Variants in SMOC2 observed in about 807,000 individuals in gnomAD.
SMOC2 encodes the protein SPARC-related modular calcium-binding protein 2.
Under a neutral mutation model 61.4 loss-of-function variants are expected in SMOC2, and 39 were observed. That is an observed-to-expected ratio of 0.64 (90% CI 0.49 to 0.83). SMOC2 has a LOEUF of 0.83. SMOC2 is among the 40% of genes least tolerant of loss of function. SMOC2 has a pLI of 0.00. For synonymous variants in SMOC2, 247 were observed against 239.9 expected (o/e 1.03, Z -0.27); for missense variants, 556 against 592.9 (o/e 0.94, Z 0.65).
intron 4 of SMOC2, among the ~76,000 whole-genome samples, chr6:168,539,034 C>G (rs1333056498): frequency 6.6e-6 from 1 of 152,078 alleles, no homozygotes; most frequent in African/African-American, 2.4e-5. Flanking sequence ...GTCGCTTCCT[C>G]CCTTCGCTTT....
chr6:168,590,257 G>T (rs1785145928), intron 7 of SMOC2, among the ~76,000 whole-genome samples: 1 of 52,616 alleles, frequency 1.9e-5, no homozygotes, highest in African/African-American at 6.7e-5. Context: ...CGGTCTGGTG[G>T]TGGTCAGGTG....
chr6:168,492,963 T>A (rs1288747252), intron 1 of SMOC2, among the ~76,000 whole-genome samples: 1 of 152,198 alleles, frequency 6.6e-6, no homozygotes, highest in Non-Finnish European at 1.5e-5. Context: ...CCATACATTG[T>A]GAAGGTAGCT....
At chr6:168,499,971 G>A (rs1414905423) in intron 1 of SMOC2, among the ~76,000 whole-genome samples, 1 of 152,204 alleles carries the variant, frequency 6.6e-6, no homozygotes, top group Admixed American at 6.5e-5. Context: ...CCTGGCCCGG[G>A]TGCTCAGTGT....
chr6:168,482,165 G>A (rs565003012), intron 1 of SMOC2, among the ~76,000 whole-genome samples: 1 of 151,820 alleles, frequency 6.6e-6, no homozygotes, highest in Non-Finnish European at 1.5e-5. Context: ...AAGAAAAAAA[G>A]AGACGTTTCA....
At chr6:168,533,660 G>A (rs1176493895) in intron 4 of SMOC2, among the ~76,000 whole-genome samples, 1 of 152,198 alleles carries the variant, frequency 6.6e-6, no homozygotes. Flanking sequence ...GAGAGCCTGT[G>A]CCTTGGAGAG....
chr6:168,597,427 G>T (rs1161920096), intron 7 of SMOC2, among the ~76,000 whole-genome samples: 1 of 152,180 alleles, frequency 6.6e-6, no homozygotes, highest in Non-Finnish European at 1.5e-5. Context: ...GAAAAATTAT[G>T]CAATAGCTAA....
At chr6:168,556,454 CTG>C (rs1784254399) in intron 7 of SMOC2, among the ~76,000 whole-genome samples, 1 of 152,116 alleles carries the variant, frequency 6.6e-6, no homozygotes, top group Non-Finnish European at 1.5e-5. Context: ...GCCTCGCAGA[CTG>C]TGCGGGCCCT....
At chr6:168,546,285 C>G (rs1783997638) in intron 5 of SMOC2, among the ~76,000 whole-genome samples, 1 of 142,184 alleles carries the variant, frequency 7.0e-6, no homozygotes, top group African/African-American at 2.6e-5. Flanking sequence ...AAAGGATGAT[C>G]CTGAGAGCAC....
intron 9 of SMOC2, among the ~76,000 whole-genome samples, chr6:168,615,993 G>A (rs1158440955): frequency 1.3e-5 from 2 of 152,204 alleles, no homozygotes; most frequent in Non-Finnish European, 2.9e-5. Context: ...TAGATCAGGA[G>A]CAACACATTC....
intron 1 of SMOC2, among the ~76,000 whole-genome samples, chr6:168,467,812 G>A (rs1583037599): frequency 6.6e-6 from 1 of 152,062 alleles, no homozygotes; most frequent in South Asian, 2.1e-4. Flanking sequence ...AGTTTATTCG[G>A]TTACTTTTCC....
intron 9 of SMOC2, among the ~76,000 whole-genome samples, chr6:168,613,491 G>T (rs1414731649): frequency 1.3e-5 from 2 of 152,150 alleles, no homozygotes; most frequent in Admixed American, 1.3e-4. Context: ...CTAAGAAATG[G>T]TCTTTATTTT....
intron 9 of SMOC2, among the ~76,000 whole-genome samples, chr6:168,625,672 C>T (rs926282157): frequency 5.9e-5 from 9 of 152,184 alleles, no homozygotes; most frequent in African/African-American, 1.2e-4. Flanking sequence ...TCTTCGAGGG[C>T]GTATACACAG....
chr6:168,601,341 G>GCTCTCGACACCCCA (rs1321361185), intron 8 of SMOC2, among the ~76,000 whole-genome samples: 1 of 152,210 alleles, frequency 6.6e-6, no homozygotes, highest in Non-Finnish European at 1.5e-5. Context: ...CTGACCGCCT[G>GCTCTCGACACCCCA]CTCTCGACAC....
At chr6:168,617,215 G>A (rs530553455) in intron 9 of SMOC2, among the ~76,000 whole-genome samples, 40 of 152,154 alleles carry the variant, frequency 2.6e-4, no homozygotes, top group African/African-American at 6.5e-4. Context: ...ACAAGAACAG[G>A]AATAGAGAAA....
intron 9 of SMOC2, among the ~76,000 whole-genome samples, chr6:168,624,661 C>T (rs200896521): frequency 0.024 from 3,577 of 151,556 alleles, 276 homozygotes; most frequent in Admixed American, 0.16. Context: ...CAGACACAGA[C>T]GCACACACAC....
At chr6:168,630,097 TCATCTC>T (rs1022501266) in intron 9 of SMOC2, among the ~76,000 whole-genome samples, 12 of 152,278 alleles carry the variant, frequency 7.9e-5, no homozygotes, top group African/African-American at 2.9e-4. Context: ...AGCGTCTCGT[TCATCTC>T]CAACTCAGGG....
chr6:168,506,873 A>G (rs1036885263), intron 1 of SMOC2, among the ~76,000 whole-genome samples: 2 of 152,254 alleles, frequency 1.3e-5, no homozygotes, highest in African/African-American at 4.8e-5. Context: ...ATTCTTTGCA[A>G]TAGGAATATT....
intron 9 of SMOC2, among the ~76,000 whole-genome samples, chr6:168,632,308 C>T (rs1393804110): frequency 2.0e-5 from 3 of 152,200 alleles, no homozygotes; most frequent in African/African-American, 7.2e-5. Flanking sequence ...TAGAACAAGT[C>T]ATCAGAACAT....
intron 1 of SMOC2, among the ~76,000 whole-genome samples, chr6:168,495,244 G>A (rs1782558011): frequency 6.6e-6 from 1 of 152,200 alleles, no homozygotes. Flanking sequence ...AAGGCTCCTT[G>A]TGGCCCAGGT....
Sources: allele counts gnomAD v4.1 joint callset (sites outside exome capture counted in the v4.1 genomes callset), GRCh38; gene constraint gnomAD v4.1.1; transcripts MANE v1.5; gene names NCBI Gene and HGNC (gene_info 2026-07-23, HGNC 2026-07-21).